SYT1: variants seen among roughly 807,000 people sequenced by gnomAD.
SYT1 encodes the protein synaptotagmin 1.
A neutral mutation model predicts 44.8 loss-of-function variants in SYT1; 8 were observed. The observed-to-expected ratio is 0.18, with a 90% confidence interval of 0.10 to 0.32. The LOEUF is 0.32. Among genes scored for constraint, SYT1 ranks in the 10% least tolerant of loss-of-function variants. The pLI, the probability that SYT1 is intolerant of heterozygous loss-of-function variation, is 1.00. For synonymous variants in SYT1, 154 were observed against 188.8 expected, an observed-to-expected ratio of 0.82 and a Z score of 1.51; for missense variants, 286 against 509.3, an observed-to-expected ratio of 0.56 and a Z score of 4.22.
intron 3 of SYT1, among the ~76,000 whole-genome samples, chr12:79,214,059 A>G (rs540959041): frequency 8.2e-4 from 125 of 152,328 alleles, no homozygotes; most frequent in African/African-American, 2.9e-3. Context: ...CCAAGTAACT[A>G]TTCTTAGGTT....
intron 3 of SYT1, among the ~76,000 whole-genome samples, chr12:79,052,377 A>C (rs569577773): frequency 6.6e-6 from 1 of 152,314 alleles, no homozygotes; most frequent in African/African-American, 2.4e-5. Context: ...AAAGACTTAC[A>C]TGTTAGACCT....
chr12:79,422,049 A>C (rs1869154381), intron 9 of SYT1, among the ~76,000 whole-genome samples: 2 of 152,166 alleles, frequency 1.3e-5, no homozygotes, highest in South Asian at 4.2e-4. Flanking sequence ...TGTATTTACA[A>C]GCCATTCCTC....
chr12:79,307,700 T>C (rs1880476095), intron 8 of SYT1, among the ~76,000 whole-genome samples: 2 of 151,902 alleles, frequency 1.3e-5, no homozygotes, highest in South Asian at 4.2e-4. Context: ...GCCACCCAGA[T>C]GGGGCAGTCT....
Position 79,134,992 on chromosome 12 carries a change from C to T in SYT1, c.-17-82511C>T, listed in dbSNP as rs983983936. Among the ~76,000 whole-genome samples the T allele has an allele frequency of 2.6e-5, 4 of 152,100 alleles. No homozygotes were observed. The South Asian group carries it at 8.3e-4, about 32-fold the overall frequency. On this transcript the variant is annotated intron_variant, in intron 3 of 10. Transcript: ENST00000261205. The stretch of plus-strand genomic sequence containing the variant: ...AGATCTTAAATGTTCTCACCACACA[C>T]ACACACACACACACACAAATGGTAA...
At chr12:79,013,663 T>G (rs957013936) in intron 2 of SYT1, among the ~76,000 whole-genome samples, 5 of 152,144 alleles carry the variant, frequency 3.3e-5, no homozygotes. Context: ...AGTCCAGTTA[T>G]AGAAAACAAA....
At chr12:79,413,267 G>A (rs1868538457) in intron 9 of SYT1, among the ~76,000 whole-genome samples, 1 of 152,170 alleles carries the variant, frequency 6.6e-6, no homozygotes, top group South Asian at 2.1e-4. Flanking sequence ...CTTCATATGT[G>A]ATTTATGGGT....
chr12:79,088,747 T>A (rs1365235357), intron 3 of SYT1, among the ~76,000 whole-genome samples: 1 of 116,176 alleles, frequency 8.6e-6, no homozygotes, highest in Non-Finnish European at 1.9e-5. Context: ...CCTGTGTGTG[T>A]GTGTGTGTGT....
intron 9 of SYT1, among the ~76,000 whole-genome samples, chr12:79,385,423 G>A (rs1435636039): frequency 1.3e-5 from 2 of 152,024 alleles, no homozygotes; most frequent in African/African-American, 2.4e-5. Context: ...TATTTTCTAT[G>A]TATTTGTGGA....
At chr12:79,296,312 T>A in intron 7 of SYT1, 76 bp downstream of exon 7, 1 of 1,432,414 alleles carries the variant, frequency 7.0e-7, no homozygotes, top group Non-Finnish European at 9.5e-7. Context: ...GACACATACA[T>A]AGACATGCAC....
rs142787272 is a variant in SYT1, at chr12:79,292,505, A to G, written c.474+375A>G. On this transcript the variant is annotated intron_variant, in intron 6 of 10. Coordinates refer to ENST00000261205, the MANE Select transcript of SYT1 (RefSeq NM_005639.3). ...TACAGATTTAGAACTAGACAGGGCT[A>G]GGGGCCTTTTGAGTTGGGCCGCTAT... is the stretch of plus-strand genomic sequence containing the variant. Among the ~76,000 whole-genome samples, 257 of 152,330 alleles carry G rather than the reference A, an allele frequency of 1.7e-3. 3 individuals carry two copies. The highest frequency in any genetic ancestry group is 5.8e-3 in the African/African-American group (242 of 41,580).
intron 9 of SYT1, among the ~76,000 whole-genome samples, chr12:79,410,562 G>T (rs1280579888): frequency 6.7e-6 from 1 of 150,332 alleles, no homozygotes; most frequent in African/African-American, 2.4e-5. Flanking sequence ...AATAAAGCAG[G>T]TTATACAAGC....
intron 4 of SYT1, among the ~76,000 whole-genome samples, chr12:79,268,645 A>G (rs564019521): frequency 6.6e-6 from 1 of 152,324 alleles, no homozygotes; most frequent in Admixed American, 6.5e-5. Flanking sequence ...TTTTGCACAG[A>G]CATATATTCC....
intron 2 of SYT1, among the ~76,000 whole-genome samples, chr12:79,028,339 G>A (rs1872648421): frequency 6.6e-6 from 1 of 151,394 alleles, no homozygotes; most frequent in African/African-American, 2.4e-5. Flanking sequence ...AAGTGTAAAT[G>A]CTGCAGAATA....
chr12:79,266,845 G>T (rs974597693), intron 4 of SYT1, among the ~76,000 whole-genome samples: 1 of 152,120 alleles, frequency 6.6e-6, no homozygotes, highest in African/African-American at 2.4e-5. Context: ...GATAATCAAA[G>T]AAAAATGTCC....
At chr12:79,067,374 T>C (rs1875944619) in intron 3 of SYT1, among the ~76,000 whole-genome samples, 1 of 152,120 alleles carries the variant, frequency 6.6e-6, no homozygotes, top group African/African-American at 2.4e-5. Flanking sequence ...AACTGTGGAA[T>C]TGGAATTTGA....
chr12:79,339,869 G>T (rs1189498832), intron 8 of SYT1, among the ~76,000 whole-genome samples: 1 of 152,192 alleles, frequency 6.6e-6, no homozygotes, highest in Non-Finnish European at 1.5e-5. Flanking sequence ...AAGGGATCCA[G>T]TTTCAGCTTT....
At chr12:79,184,511 G>A (rs992625484) in intron 3 of SYT1, among the ~76,000 whole-genome samples, 6 of 151,794 alleles carry the variant, frequency 4.0e-5, no homozygotes, top group African/African-American at 1.5e-4. Flanking sequence ...CCATCAGCAA[G>A]CCACCCACTG....
chr12:79,071,896 G>A (rs910169390), intron 3 of SYT1, among the ~76,000 whole-genome samples: 1 of 152,042 alleles, frequency 6.6e-6, no homozygotes, highest in Non-Finnish European at 1.5e-5. Flanking sequence ...ATAGATACCG[G>A]GGATTAGGAC....
chr12:79,267,757 C>T (rs528054127), intron 4 of SYT1, among the ~76,000 whole-genome samples: 2 of 152,302 alleles, frequency 1.3e-5, no homozygotes, highest in Admixed American at 1.3e-4. Flanking sequence ...GCGCACTTCT[C>T]CCTGGAGCCT....
Sources: allele counts gnomAD v4.1 joint callset (sites outside exome capture counted in the v4.1 genomes callset), GRCh38; gene constraint gnomAD v4.1.1; transcripts MANE v1.5; gene names NCBI Gene and HGNC (gene_info 2026-07-23, HGNC 2026-07-21).